Variants in CSMD1 observed in about 807,000 individuals in gnomAD.
CSMD1 encodes CUB and Sushi multiple domains 1.
CSMD1 carries 213 observed loss-of-function variants against 417.5 expected under a neutral mutation model. The observed-to-expected ratio is 0.51, with a 90% CI of 0.46 to 0.57. CSMD1 has a LOEUF of 0.57. Ranked by LOEUF, CSMD1 falls within the 20% of genes least tolerant of loss-of-function variation. The probability of loss-of-function intolerance (pLI) is 0.00; values close to 1 mark genes in which losing one functional copy is unlikely to be tolerated. For missense variants in CSMD1, 6,923 were observed against 4,529.7 expected (o/e 1.53, Z -15.17); for synonymous variants, 2,862 against 1,736.8 (o/e 1.65, Z -16.11).
intron 3 of CSMD1, among the ~76,000 whole-genome samples, chr8:4,202,619 G>A (rs17069425): frequency 0.089 from 13,545 of 152,160 alleles, 895 homozygotes; most frequent in African/African-American, 0.18. Flanking sequence ...GAGTATCATG[G>A]TGGATATTGT....
intron 3 of CSMD1, among the ~76,000 whole-genome samples, chr8:4,276,044 G>T (rs184096176): frequency 1.3e-5 from 2 of 152,132 alleles, no homozygotes; most frequent in Admixed American, 6.6e-5. Flanking sequence ...TAGTTCAACC[G>T]TTGTGGAAGA....
intron 2 of CSMD1, among the ~76,000 whole-genome samples, chr8:4,585,571 T>G (rs1334328543): frequency 3.3e-5 from 5 of 152,106 alleles, no homozygotes; most frequent in African/African-American, 1.2e-4. Context: ...AGTGAAAAGG[T>G]AGAATTCAGA....
At chr8:4,062,000 G>T (rs1350108787) in intron 3 of CSMD1, among the ~76,000 whole-genome samples, 1 of 152,114 alleles carries the variant, frequency 6.6e-6, no homozygotes, top group Non-Finnish European at 1.5e-5. Context: ...CTGTCTGAGA[G>T]GTCAAGGTGT....
intron 3 of CSMD1, among the ~76,000 whole-genome samples, chr8:4,175,231 A>T (rs1186636877): frequency 6.6e-6 from 1 of 152,134 alleles, no homozygotes; most frequent in East Asian, 1.9e-4. Flanking sequence ...GTGATCTCAC[A>T]ATGTCAACCA....
chr8:3,281,734 G>A (rs1293544959), intron 26 of CSMD1, among the ~76,000 whole-genome samples: 2 of 152,180 alleles, frequency 1.3e-5, no homozygotes, highest in Non-Finnish European at 2.9e-5. Flanking sequence ...ATGACTGTTG[G>A]TGATGTTATT....
intron 3 of CSMD1, among the ~76,000 whole-genome samples, chr8:4,038,842 T>C (rs978687345): frequency 9.9e-5 from 15 of 152,150 alleles, no homozygotes; most frequent in African/African-American, 3.4e-4. Flanking sequence ...GAAGCCAAAT[T>C]TGTACATCAG....
At position 4,360,268 on chromosome 8, in the gene CSMD1, T is replaced by G. The variant is rs369658875; in HGVS notation, c.415+59685A>C. ...CCTGATGAACACACATCTACCTCCC[T>G]GAATTTGCTTTTACTTAATAGTGGT... On this transcript the variant is annotated intron_variant, in intron 3 of 69. Coordinates refer to ENST00000635120, the MANE Select transcript of CSMD1 (RefSeq NM_033225.6). Among the ~76,000 whole-genome samples, 19 of 152,300 alleles carry G rather than the reference T, an allele frequency of 1.2e-4. 1 individual carries two copies. Among genetic ancestry groups the G allele is most frequent in the African/African-American group, 4.6e-4 (19 of 41,560 alleles).
In CSMD1 at chr8:3,943,162, T is replaced by A. The variant is rs534625956; in HGVS notation, c.818+54741A>T. Among the ~76,000 whole-genome samples the A allele has an allele frequency of 3.3e-5, 5 of 152,262 alleles. 1 individual carries two copies. The highest frequency in any genetic ancestry group is 3.4e-3 in the Middle Eastern group (1 of 294). ...TGCATTGTTATCTTATGATAAATAA[T>A]ATAAAAATGACTCAATTGAGGATGT... is the stretch of plus-strand genomic sequence containing the variant. On this transcript the variant is annotated intron_variant, in intron 5 of 69. Transcript: ENST00000635120.
In CSMD1 at chr8:3,409,603, T is replaced by C. The variant is rs556284386; in HGVS notation, c.1564A>G (p.Ile522Val). The change falls in exon 13 of 70, where the codon ATT (isoleucine) becomes GTT (valine). Residue 522 changes from isoleucine to valine, a missense_variant and splice_region_variant. Physicochemically the swap from Ile to Val is conservative, Grantham distance 29. Coordinates refer to ENST00000635120, the MANE Select transcript of CSMD1 (RefSeq NM_033225.6). ...SPGFKAVYQE[I>V]EKGGCGDPGI... ...GGATCCCCACACCCTCCCTTTTCAA[T>C]TTCTGAAAATGGAAAAACAAATGAA... 1 of 1,578,150 alleles carries C rather than the reference T, an allele frequency of 6.3e-7. No homozygotes were observed. The highest frequency in any genetic ancestry group is 2.3e-5 in the East Asian group (1 of 43,974).
intron 2 of CSMD1, among the ~76,000 whole-genome samples, chr8:4,506,788 C>G (rs1039562147): frequency 1.3e-5 from 2 of 152,124 alleles, no homozygotes; most frequent in Non-Finnish European, 2.9e-5. Flanking sequence ...CCTGAAAGAG[C>G]CACCTCTAAT....
chr8:4,012,237 T>C (rs1816598224), intron 4 of CSMD1, among the ~76,000 whole-genome samples: 1 of 152,120 alleles, frequency 6.6e-6, no homozygotes, highest in South Asian at 2.1e-4. Context: ...CTTTAGATAC[T>C]ACTCTTCAGG....
At chr8:4,992,590 G>A (rs540481082) in intron 1 of CSMD1, among the ~76,000 whole-genome samples, 2 of 152,266 alleles carry the variant, frequency 1.3e-5, no homozygotes, top group East Asian at 1.9e-4. Context: ...CCCTCACCCC[G>A]CTGCGACACA....
chr8:3,805,093 C>T (rs1281145497), intron 5 of CSMD1, among the ~76,000 whole-genome samples: 1 of 141,870 alleles, frequency 7.0e-6, no homozygotes, highest in Non-Finnish European at 1.6e-5. Context: ...ACTACGGGAA[C>T]CCCACTGTTA....
intron 10 of CSMD1, among the ~76,000 whole-genome samples, chr8:3,513,628 C>T (rs903554716): frequency 1.2e-4 from 19 of 152,178 alleles, no homozygotes; most frequent in African/African-American, 4.6e-4. Context: ...AGACTTACTG[C>T]TCTGCCACCA....
At chr8:4,403,371 C>T (rs563416558) in intron 3 of CSMD1, among the ~76,000 whole-genome samples, 3 of 152,250 alleles carry the variant, frequency 2.0e-5, no homozygotes, top group Non-Finnish European at 4.4e-5. Flanking sequence ...CTCTACTTGA[C>T]CTCTCTAACT....
At chr8:4,319,869 G>A (rs534370829) in intron 3 of CSMD1, among the ~76,000 whole-genome samples, 1 of 152,232 alleles carries the variant, frequency 6.6e-6, no homozygotes, top group African/African-American at 2.4e-5. Context: ...AGGTAACAGA[G>A]GTACCCAAGG....
intron 3 of CSMD1, among the ~76,000 whole-genome samples, chr8:4,249,489 T>C (rs17406556): frequency 0.036 from 5,544 of 152,270 alleles, 178 homozygotes; most frequent in Non-Finnish European, 0.047. Flanking sequence ...AAACATTTTA[T>C]TTAATGCGGA....
At chr8:3,748,640 A>C (rs1264031095) in intron 6 of CSMD1, among the ~76,000 whole-genome samples, 2 of 152,238 alleles carry the variant, frequency 1.3e-5, no homozygotes, top group African/African-American at 4.8e-5. Context: ...TGGAAACTGC[A>C]TTTCAAATCT....
At chr8:3,500,624 T>G (rs187054624) in intron 10 of CSMD1, among the ~76,000 whole-genome samples, 1 of 152,236 alleles carries the variant, frequency 6.6e-6, no homozygotes, top group East Asian at 1.9e-4. Flanking sequence ...ATATGGTGTT[T>G]TGTGAAAAAT....
Sources: gnomAD v4.1 joint callset for allele counts (sites outside exome capture counted in the v4.1 genomes callset) on GRCh38, gnomAD v4.1.1 for gene constraint, MANE v1.5 for transcripts, NCBI Gene and HGNC (gene_info 2026-07-23, HGNC 2026-07-21) for gene names.